IGSF21: variants seen among roughly 807,000 people sequenced by gnomAD.
The protein encoded by IGSF21 is immunoglobulin superfamily member 21.
A neutral mutation model predicts 46.8 loss-of-function variants in IGSF21; 28 were observed. The observed-to-expected ratio is 0.60, with a 90% CI of 0.44 to 0.82. The LOEUF is 0.82. Ranked by LOEUF, IGSF21 falls within the 40% of genes least tolerant of loss-of-function variation. The pLI is 0.00. For synonymous variants in IGSF21, 284 were observed against 273.6 expected, an observed-to-expected ratio of 1.04 and a Z score of -0.38; for missense variants, 624 against 665.5, an observed-to-expected ratio of 0.94 and a Z score of 0.69.
At chr1:18,150,373 T>C (rs971136536) in intron 1 of IGSF21, among the ~76,000 whole-genome samples, 1 of 151,754 alleles carries the variant, frequency 6.6e-6, no homozygotes, top group Non-Finnish European at 1.5e-5. Context: ...TTGGAGACAG[T>C]TCACTTGTAA....
At chr1:18,155,697 G>A (rs1236523737) in intron 1 of IGSF21, among the ~76,000 whole-genome samples, 2 of 152,228 alleles carry the variant, frequency 1.3e-5, no homozygotes, top group African/African-American at 4.8e-5. Flanking sequence ...AGACAGCCAG[G>A]CTTGGGGAAC....
At chr1:18,339,216 T>C (rs2085803120) in intron 4 of IGSF21, among the ~76,000 whole-genome samples, 1 of 152,158 alleles carries the variant, frequency 6.6e-6, no homozygotes, top group Non-Finnish European at 1.5e-5. Context: ...AAGGGGTACA[T>C]CCACGTGAGT....
intron 1 of IGSF21, among the ~76,000 whole-genome samples, chr1:18,137,295 G>A (rs2086375255): frequency 6.6e-6 from 1 of 152,270 alleles, no homozygotes; most frequent in African/African-American, 2.4e-5. Context: ...AATCATTCAT[G>A]AGAAATCTGT....
intron 3 of IGSF21, among the ~76,000 whole-genome samples, chr1:18,296,212 A>C (rs2124570230): frequency 6.6e-6 from 1 of 152,218 alleles, no homozygotes; most frequent in East Asian, 1.9e-4. Flanking sequence ...ACCCCTTCTC[A>C]CATAAACCCT....
intron 2 of IGSF21, among the ~76,000 whole-genome samples, chr1:18,281,858 C>G (rs554919257): frequency 1.3e-5 from 2 of 152,266 alleles, no homozygotes; most frequent in African/African-American, 4.8e-5. Flanking sequence ...GGTGCTGCAG[C>G]TGTTCAGCCC....
chr1:18,159,840 C>A (rs2086600781), intron 1 of IGSF21, among the ~76,000 whole-genome samples: 1 of 152,132 alleles, frequency 6.6e-6, no homozygotes, highest in South Asian at 2.1e-4. Context: ...CAGCACCACG[C>A]CCGGCTAATT....
At chr1:18,222,651 G>T (rs1325066026) in intron 1 of IGSF21, among the ~76,000 whole-genome samples, 1 of 152,186 alleles carries the variant, frequency 6.6e-6, no homozygotes, top group Non-Finnish European at 1.5e-5. Flanking sequence ...ATGCTAGAGT[G>T]AGAAACTCGA....
intron 1 of IGSF21, among the ~76,000 whole-genome samples, chr1:18,215,719 A>G (rs1040223587): frequency 5.3e-5 from 8 of 152,160 alleles, no homozygotes; most frequent in African/African-American, 1.9e-4. Flanking sequence ...AGATGAGCAG[A>G]GCAGGAGGAA....
chr1:18,355,681 G>A (rs912299890), intron 4 of IGSF21, among the ~76,000 whole-genome samples: 1 of 152,130 alleles, frequency 6.6e-6, no homozygotes, highest in Non-Finnish European at 1.5e-5. Context: ...ATTTAAGGGA[G>A]TTTTATGGTG....
chr1:18,340,906 T>C (rs1241979131), intron 4 of IGSF21, among the ~76,000 whole-genome samples: 2 of 151,736 alleles, frequency 1.3e-5, no homozygotes, highest in African/African-American at 4.8e-5. Context: ...TTCTTCTCCT[T>C]CTCCTTCTCC....
intron 1 of IGSF21, among the ~76,000 whole-genome samples, chr1:18,219,191 A>G (rs375677056): frequency 2.0e-5 from 3 of 152,194 alleles, no homozygotes; most frequent in African/African-American, 7.2e-5. Flanking sequence ...TAAGTCAGAG[A>G]GTGACAGGGG....
At chr1:18,352,844 G>T (rs947117333) in intron 4 of IGSF21, among the ~76,000 whole-genome samples, 2 of 152,202 alleles carry the variant, frequency 1.3e-5, no homozygotes, top group Non-Finnish European at 2.9e-5. Context: ...GCACCTCCCT[G>T]CAGAGCAGAG....
chr1:18,236,493 T>G (rs2084674249), intron 2 of IGSF21, among the ~76,000 whole-genome samples: 1 of 152,194 alleles, frequency 6.6e-6, no homozygotes. Context: ...CTGTTGGCTA[T>G]GTTAAGCTGG....
chr1:18,283,959 G>T (rs1426090181), intron 2 of IGSF21, among the ~76,000 whole-genome samples: 1 of 152,178 alleles, frequency 6.6e-6, no homozygotes, highest in Non-Finnish European at 1.5e-5. Context: ...TATAATCGGG[G>T]ATGCAACATT....
At chr1:18,294,802 C>T (rs1019138720) in intron 3 of IGSF21, among the ~76,000 whole-genome samples, 1 of 152,234 alleles carries the variant, frequency 6.6e-6, no homozygotes. Flanking sequence ...TGGAGCCTAA[C>T]GGGATCACGG....
chr1:18,341,555 G>A (rs1012272361), intron 4 of IGSF21, among the ~76,000 whole-genome samples: 4 of 152,118 alleles, frequency 2.6e-5, no homozygotes, highest in Non-Finnish European at 4.4e-5. Flanking sequence ...ATATGCAGGC[G>A]CTGTGCTAAA....
intron 1 of IGSF21, among the ~76,000 whole-genome samples, chr1:18,210,537 C>T (rs1366864558): frequency 6.6e-6 from 1 of 152,110 alleles, no homozygotes; most frequent in East Asian, 1.9e-4. Flanking sequence ...ACGGCCGGTC[C>T]TGGTGTTGGA....
chr1:18,113,299 T>G (rs1297190566), intron 1 of IGSF21: 1 of 152,130 alleles, frequency 6.6e-6, no homozygotes, highest in African/African-American at 2.4e-5. Flanking sequence ...TATGCTACAG[T>G]GAGCTCCAGG....
intron 1 of IGSF21, among the ~76,000 whole-genome samples, chr1:18,137,571 C>T (rs755896322): frequency 5.9e-5 from 9 of 152,200 alleles, no homozygotes; most frequent in South Asian, 4.2e-4. Flanking sequence ...CATAGCTGGG[C>T]GTGGGAAACT....
Sources: allele counts gnomAD v4.1 joint callset (sites outside exome capture counted in the v4.1 genomes callset), GRCh38; gene constraint gnomAD v4.1.1; transcripts MANE v1.5; gene names NCBI Gene and HGNC (gene_info 2026-07-23, HGNC 2026-07-21).